Variants in NELL2 observed in about 807,000 individuals in gnomAD.
NELL2 encodes neural EGFL like 2.
A neutral mutation model predicts 109.6 loss-of-function variants in NELL2; 41 were observed. The ratio of observed to expected loss-of-function variants is 0.37; its 90% CI spans 0.29 to 0.49. The LOEUF (loss-of-function observed/expected upper bound fraction) is 0.49, where lower values mean the gene tolerates loss of function less well. Ranked by LOEUF, NELL2 falls within the 20% of genes least tolerant of loss-of-function variation. The probability of loss-of-function intolerance (pLI) is 0.98; values close to 1 mark genes in which losing one functional copy is unlikely to be tolerated. For missense variants in NELL2, 900 were observed against 1,008.3 expected, an observed-to-expected ratio of 0.89 and a Z score of 1.45; for synonymous variants, 355 against 344.7, an observed-to-expected ratio of 1.03 and a Z score of -0.33.
intron 2 of NELL2, among the ~76,000 whole-genome samples, chr12:44,832,076 C>T (rs1943905763): frequency 6.6e-6 from 1 of 151,946 alleles, no homozygotes. Flanking sequence ...CTTTTCAGGC[C>T]ACATACACCT....
intron 15 of NELL2, among the ~76,000 whole-genome samples, chr12:44,587,053 A>G (rs1456160099): frequency 6.6e-6 from 1 of 151,780 alleles, no homozygotes; most frequent in Non-Finnish European, 1.5e-5. Context: ...CGGGTGGATC[A>G]TGAGGTCAGG....
At chr12:44,839,123 A>G (rs1213559552) in intron 2 of NELL2, among the ~76,000 whole-genome samples, 1 of 43,954 alleles carries the variant, frequency 2.3e-5, no homozygotes, top group African/African-American at 7.7e-5. Context: ...TCCTGTTCTC[A>G]TATGATCTTT....
intron 13 of NELL2, among the ~76,000 whole-genome samples, chr12:44,619,387 C>T (rs1287556216): frequency 3.3e-5 from 5 of 152,014 alleles, no homozygotes; most frequent in South Asian, 2.1e-4. Flanking sequence ...GAAAAGGTGG[C>T]GTGAAAAATT....
At chr12:44,864,932 G>A (rs899678028) in intron 2 of NELL2, among the ~76,000 whole-genome samples, 7 of 149,168 alleles carry the variant, frequency 4.7e-5, no homozygotes, top group Non-Finnish European at 8.9e-5. Flanking sequence ...CTAGATCCCT[G>A]AGGAATCGCC....
chr12:44,605,446 G>A (rs1425175216), intron 15 of NELL2, among the ~76,000 whole-genome samples: 2 of 152,154 alleles, frequency 1.3e-5, no homozygotes, highest in African/African-American at 2.4e-5. Flanking sequence ...GCCACAGACA[G>A]CTATTTAGAA....
chr12:44,569,784 T>C (rs1186263585), intron 15 of NELL2, among the ~76,000 whole-genome samples: 1 of 152,172 alleles, frequency 6.6e-6, no homozygotes, highest in Non-Finnish European at 1.5e-5. Context: ...AAGATATCTA[T>C]TATATTCAGA....
rs370226647 is a variant in NELL2 at position 44,508,868 on chromosome 12, A to G, written c.*66T>C. ...CACAAATCACCCAATTTAAGTTTTA[A>G]CTTCTTTTTGGTCTTTTAATGAAAG... On this transcript the variant is annotated 3_prime_UTR_variant, in exon 20 of 20. Transcript: ENST00000429094. The G allele has an allele frequency of 2.8e-4, 399 of 1,410,522 alleles. 7 individuals carry two copies. The South Asian group carries it at 4.7e-3, about 17-fold the overall frequency. The allele number at this position is 1,410,522 out of a possible 1,614,324, so 87.4% of individuals were successfully genotyped here.
chr12:44,701,433 G>A (rs887774325), intron 12 of NELL2, among the ~76,000 whole-genome samples: 1 of 152,072 alleles, frequency 6.6e-6, no homozygotes, highest in Non-Finnish European at 1.5e-5. Context: ...CTGTGCCACA[G>A]ATTTTATCCA....
chr12:44,652,190 C>T (rs899036835), intron 13 of NELL2, among the ~76,000 whole-genome samples: 26 of 152,104 alleles, frequency 1.7e-4, no homozygotes, highest in Non-Finnish European at 2.1e-4. Flanking sequence ...GTGACAACAA[C>T]GATACCCCCA....
At chr12:44,585,008 G>A (rs1944444269) in intron 15 of NELL2, among the ~76,000 whole-genome samples, 1 of 152,114 alleles carries the variant, frequency 6.6e-6, no homozygotes, top group Non-Finnish European at 1.5e-5. Flanking sequence ...TGTCCAAACA[G>A]TCTTGAAATC....
chr12:44,812,267 A>AG (rs1943204442), intron 3 of NELL2, among the ~76,000 whole-genome samples: 1 of 152,148 alleles, frequency 6.6e-6, no homozygotes, highest in Admixed American at 6.6e-5. Flanking sequence ...GTGTCTCCAA[A>AG]GGGGGCAGTG....
chr12:44,621,154 C>T lies in NELL2; in HGVS notation c.1445-10184G>A, dbSNP rs557719676. Among the ~76,000 whole-genome samples, 67 of 152,270 alleles carry T rather than the reference C, an allele frequency of 4.4e-4. 2 individuals carry two copies. Among genetic ancestry groups the T allele is most frequent in the African/African-American group, 1.6e-3 (66 of 41,554 alleles). On this transcript the variant is annotated intron_variant, in intron 13 of 19. Coordinates refer to ENST00000429094, the MANE Select transcript of NELL2 (RefSeq NM_001145108.2). ...TTTCACGTGTGCCTCCTTGCTGCCA[C>T]ATGTGCTATTCTCGGCCCAGAAAGC... is the stretch of plus-strand genomic sequence containing the variant.
In NELL2 at chr12:44,598,893, T is replaced by A. The variant is rs1297130075; in HGVS notation, c.1663+8276A>T. 1.8e-3 allele frequency among the ~76,000 whole-genome samples: 184 copies of A among 100,358 alleles called. 1 individual carries two copies. Among genetic ancestry groups the A allele is most frequent in the Middle Eastern group, 5.7e-3 (1 of 174 alleles). 65.8% of individuals were successfully genotyped at this position (100,358 alleles called of 152,430 possible). On this transcript the variant is annotated intron_variant, in intron 15 of 19. Coordinates refer to ENST00000429094, the MANE Select transcript of NELL2 (RefSeq NM_001145108.2). Reference sequence around the variant, plus strand: ...CACACACACACACACACTCTCTCTCTCTCTCTCTCTCTCTCTCACGCACTC... The same window carrying A: ...CACACACACACACACACTCTCTCTCACTCTCTCTCTCTCTCTCACGCACTC...
At chr12:44,901,818 A>G (rs1212691226) in intron 1 of NELL2, among the ~76,000 whole-genome samples, 1 of 152,242 alleles carries the variant, frequency 6.6e-6, no homozygotes, top group Non-Finnish European at 1.5e-5. Flanking sequence ...TTATCTCAAT[A>G]GATGCAGAAA....
intron 9 of NELL2, among the ~76,000 whole-genome samples, chr12:44,718,497 A>C (rs1400749662): frequency 2.6e-5 from 4 of 152,084 alleles, no homozygotes; most frequent in Admixed American, 1.3e-4. Context: ...TTTCTTCCCT[A>C]GTTTTGTTGT....
intron 15 of NELL2, among the ~76,000 whole-genome samples, chr12:44,564,977 C>G (rs184632881): frequency 2.8e-4 from 43 of 152,144 alleles, no homozygotes; most frequent in Non-Finnish European, 4.7e-4. Flanking sequence ...AGTGTGGACC[C>G]CCTGAATCAG....
At chr12:44,678,375 T>C (rs548677070) in intron 12 of NELL2, among the ~76,000 whole-genome samples, 3 of 152,026 alleles carry the variant, frequency 2.0e-5, no homozygotes, top group Middle Eastern at 3.4e-3. Flanking sequence ...ACCTTGCAGG[T>C]TGCAAAATTT....
intron 9 of NELL2, among the ~76,000 whole-genome samples, chr12:44,730,676 A>T (rs984015491): frequency 6.6e-6 from 1 of 152,114 alleles, no homozygotes; most frequent in African/African-American, 2.4e-5. Flanking sequence ...CCACATTTAA[A>T]AATAGAAAGA....
Position 44,520,208 on chromosome 12 carries a change from G to C in NELL2, c.2197C>G (p.Pro733Ala). ...CACTCCACATCTGGGCAAGGCAGGGGCCAACAATCAACTTCCCCTTGCTAC... is the reference window on the plus strand; with the variant it reads ...CACTCCACATCTGGGCAAGGCAGGGCCCAACAATCAACTTCCCCTTGCTAC... ...RCLQGEVDCW[P>A]LPCPDVECEF... is the part of the protein sequence containing the mutation. The change falls in exon 19 of 20, where the codon CCC becomes GCC. Residue 733 changes from proline (P) to alanine (A), a missense_variant. Pro to Ala is a conservative substitution (Grantham distance 27). This residue lies in a region of NELL2 where 333 missense variants were observed against 432.3 expected (regional missense o/e 0.77). Transcript: ENST00000429094. The C allele has an allele frequency of 6.2e-7, 1 of 1,612,098 alleles. No individual in the cohort carries two copies. Among genetic ancestry groups the C allele is most frequent in the African/African-American group, 1.3e-5 (1 of 74,956 alleles).
Sources: allele counts gnomAD v4.1 joint callset (sites outside exome capture counted in the v4.1 genomes callset), GRCh38; gene constraint gnomAD v4.1.1; regional missense constraint gnomAD v4.1.1; transcripts MANE v1.5; gene names NCBI Gene and HGNC (gene_info 2026-07-23, HGNC 2026-07-21).